Variants in COL28A1 observed in about 807,000 individuals in gnomAD.
COL28A1 encodes collagen alpha-1(XXVIII) chain.
A neutral mutation model predicts 150.2 loss-of-function variants in COL28A1; 161 were observed. The observed-to-expected ratio is 1.07, with a 90% CI of 0.94 to 1.22. The LOEUF is 1.22. COL28A1 is among the 50% of genes most tolerant of loss of function. The probability of loss-of-function intolerance (pLI) is 0.00; values close to 1 mark genes in which losing one functional copy is unlikely to be tolerated. For synonymous variants in COL28A1, 552 were observed against 469.7 expected, an observed-to-expected ratio of 1.18 and a Z score of -2.26; for missense variants, 1,617 against 1,388.3, an observed-to-expected ratio of 1.16 and a Z score of -2.62.
intron 11 of COL28A1, among the ~76,000 whole-genome samples, chr7:7,497,654 T>A (rs1050001367): frequency 6.6e-6 from 1 of 152,192 alleles, no homozygotes; most frequent in Admixed American, 6.5e-5. Flanking sequence ...AATACAAAAG[T>A]CATATAATTA....
At chr7:7,387,282 T>G (rs1782246119) in intron 27 of COL28A1, among the ~76,000 whole-genome samples, 1 of 152,130 alleles carries the variant, frequency 6.6e-6, no homozygotes, top group Non-Finnish European at 1.5e-5. Context: ...TGCCTCCTCG[T>G]ACGGGTTTGC....
At chr7:7,480,192 A>G (rs893329031) in intron 13 of COL28A1, among the ~76,000 whole-genome samples, 1 of 152,232 alleles carries the variant, frequency 6.6e-6, no homozygotes, top group Non-Finnish European at 1.5e-5. Flanking sequence ...TTATAGATTC[A>G]TAAGAAAAAG....
intron 27 of COL28A1, among the ~76,000 whole-genome samples, chr7:7,406,736 T>A (rs1273840018): frequency 6.6e-6 from 1 of 152,058 alleles, no homozygotes; most frequent in Non-Finnish European, 1.5e-5. Flanking sequence ...GTGAATATTG[T>A]TTTTGAGGAA....
In COL28A1 at chr7:7,480,014, A is replaced by G. The variant is rs2128358659; in HGVS notation, c.1165-2834T>C. On this transcript the variant is annotated intron_variant, in intron 13 of 34. Coordinates refer to ENST00000399429, the MANE Select transcript of COL28A1 (RefSeq NM_001037763.3). Reference sequence around the variant, plus strand: ...TGCCAGAGAAATAAACCTATGATGGAACAAAGTCTGCCAACTTTCCTGCAA... The same window carrying G: ...TGCCAGAGAAATAAACCTATGATGGGACAAAGTCTGCCAACTTTCCTGCAA... Among the ~76,000 whole-genome samples, 2 of 152,354 alleles carry G rather than the reference A, an allele frequency of 1.3e-5. 1 individual carries two copies. Among genetic ancestry groups the G allele is most frequent in the Middle Eastern group, 6.8e-3 (2 of 294 alleles).
At chr7:7,529,203 C>T (rs1380336325) in intron 3 of COL28A1, among the ~76,000 whole-genome samples, 6 of 150,696 alleles carry the variant, frequency 4.0e-5, no homozygotes, top group Admixed American at 1.3e-4. Flanking sequence ...GCAGGAGAAT[C>T]GCTTGAACCC....
chr7:7,488,674 C>CTA (rs1252589331), intron 13 of COL28A1, among the ~76,000 whole-genome samples: 10 of 152,178 alleles, frequency 6.6e-5, no homozygotes, highest in African/African-American at 2.4e-4. Flanking sequence ...TATTATCTGT[C>CTA]TACCATTATC....
chr7:7,374,038 A>AAAAAATATATAT lies in COL28A1; in HGVS notation c.2360-493_2360-492insATATATATTTTT. 7.8e-4 allele frequency among the ~76,000 whole-genome samples: 89 copies of AAAAAATATATAT among 113,616 alleles called. 1 individual carries two copies. The highest frequency in any genetic ancestry group is 3.0e-3 in the African/African-American group (79 of 26,404). 74.5% of individuals were successfully genotyped at this position (113,616 alleles called of 152,430 possible). On this transcript the variant is annotated intron_variant, in intron 31 of 34. Coordinates refer to ENST00000399429, the MANE Select transcript of COL28A1 (RefSeq NM_001037763.3). Reference sequence around the variant, plus strand: ...TACTTGACTCTTAAAAAAAAAAAAAAATATATATATATATATATATATACT... The same window carrying AAAAAATATATAT: ...TACTTGACTCTTAAAAAAAAAAAAAAAAAAATATATATATATATATATATATATATATATACT...
intron 20 of COL28A1, among the ~76,000 whole-genome samples, chr7:7,442,083 C>G (rs1433000518): frequency 1.3e-5 from 2 of 152,152 alleles, no homozygotes; most frequent in Non-Finnish European, 2.9e-5. Context: ...CCATGGTATA[C>G]CTGGGCTATG....
chr7:7,371,503 G>T (rs1320447260), intron 32 of COL28A1, among the ~76,000 whole-genome samples: 2 of 152,238 alleles, frequency 1.3e-5, no homozygotes, highest in African/African-American at 4.8e-5. Context: ...CTGGTACACG[G>T]CATAGGCAGG....
Position 7,518,539 on chromosome 7 carries a change from T to G in COL28A1, c.814-702A>C, listed in dbSNP as rs537546797. 1.7e-4 allele frequency among the ~76,000 whole-genome samples: 26 copies of G among 152,338 alleles called. No individual in the cohort carries two copies. The South Asian group carries it at 3.5e-3, about 21-fold the overall frequency. ...ATAGGGCTGTTTTAGAGTTCATTTT[T>G]GAGTTAATTTTTAATGTAATAGTTA... On this transcript the variant is annotated intron_variant, in intron 6 of 34. Coordinates refer to ENST00000399429, the MANE Select transcript of COL28A1 (RefSeq NM_001037763.3).
At chr7:7,341,015 C>T in the COL28A1 span, among the ~76,000 whole-genome samples, 1 of 152,144 alleles carries the variant, frequency 6.6e-6, no homozygotes, top group Non-Finnish European at 1.5e-5. Flanking sequence ...CTGTACTTAC[C>T]CATACAGAGC....
At chr7:7,452,285 G>A (rs758450153) in intron 18 of COL28A1, 34 bp downstream of exon 18, 7 of 1,590,908 alleles carry the variant, frequency 4.4e-6, no homozygotes, top group Non-Finnish European at 6.0e-6. Context: ...GTTACATAAA[G>A]TATCATATCA....
intron 18 of COL28A1, among the ~76,000 whole-genome samples, chr7:7,450,774 T>C (rs934650560): frequency 2.0e-5 from 3 of 152,202 alleles, no homozygotes; most frequent in African/African-American, 4.8e-5. Context: ...ACAAGCAATT[T>C]AAATATCCAC....
chr7:7,420,789 T>C (rs80277782), intron 25 of COL28A1, among the ~76,000 whole-genome samples: 270 of 152,354 alleles, frequency 1.8e-3, no homozygotes, highest in Middle Eastern at 6.8e-3. Context: ...GCACTTGGTA[T>C]ATGTCAGCTC....
intron 27 of COL28A1, among the ~76,000 whole-genome samples, chr7:7,397,899 C>G (rs1782935211): frequency 6.6e-6 from 1 of 152,162 alleles, no homozygotes; most frequent in Non-Finnish European, 1.5e-5. Context: ...ATGAAGAATC[C>G]CTTCACCTGA....
At chr7:7,486,422 G>A (rs956304320) in intron 13 of COL28A1, among the ~76,000 whole-genome samples, 7 of 152,182 alleles carry the variant, frequency 4.6e-5, no homozygotes, top group African/African-American at 1.4e-4. Flanking sequence ...TTATACCAAT[G>A]CCTTATATTT....
At chr7:7,411,947 G>A (rs1053388276) in intron 27 of COL28A1, among the ~76,000 whole-genome samples, 1 of 152,106 alleles carries the variant, frequency 6.6e-6, no homozygotes, top group Non-Finnish European at 1.5e-5. Context: ...CTCTTCTGGA[G>A]GCACCAATAT....
At chr7:7,368,370 A>C (rs1365958318) in intron 33 of COL28A1, among the ~76,000 whole-genome samples, 4 of 139,958 alleles carry the variant, frequency 2.9e-5, no homozygotes, top group Admixed American at 1.5e-4. Context: ...TGGCACTTTA[A>C]AGACTCCCTT....
the COL28A1 span, among the ~76,000 whole-genome samples, chr7:7,542,361 G>A: frequency 7.3e-4 from 111 of 152,144 alleles, no homozygotes; most frequent in African/African-American, 2.4e-3. Flanking sequence ...GAAAAGAGAC[G>A]GGTAGAAGAA....
Sources: allele counts gnomAD v4.1 joint callset (sites outside exome capture counted in the v4.1 genomes callset), GRCh38; gene constraint gnomAD v4.1.1; transcripts MANE v1.5; gene names NCBI Gene and HGNC (gene_info 2026-07-23, HGNC 2026-07-21).